Variants in PAH observed in about 807,000 individuals in gnomAD.
The protein encoded by PAH is phenylalanine hydroxylase, also known as phenylalanine-4-hydroxylase.
PAH carries 64 observed loss-of-function variants against 62.0 expected under a neutral mutation model. The observed-to-expected ratio is 1.03, with a 90% CI of 0.84 to 1.27. PAH has a LOEUF of 1.27. Ranked by LOEUF, PAH falls within the 50% of genes most tolerant of loss-of-function variation. The pLI, the probability that PAH is intolerant of heterozygous loss-of-function variation, is 0.00. For missense variants in PAH, 579 were observed against 542.8 expected (o/e 1.07, Z -0.66); for synonymous variants, 195 against 196.2 (o/e 0.99, Z 0.05).
chr12:102,952,197 G>C (rs1879784825), upstream of PAH, among the ~76,000 whole-genome samples: 2 of 152,106 alleles, frequency 1.3e-5, no homozygotes, highest in Non-Finnish European at 2.9e-5. Context: ...GCTCTGAATG[G>C]ACTCCACGCT....
chr12:102,875,671 A>G (rs923343721), intron 4 of PAH, among the ~76,000 whole-genome samples: 10 of 152,166 alleles, frequency 6.6e-5, no homozygotes, highest in Non-Finnish European at 1.0e-4. Flanking sequence ...CCCCACATTT[A>G]CCTTTACTTT....
At chr12:102,864,389 A>G (rs1875856785) in intron 5 of PAH, among the ~76,000 whole-genome samples, 1 of 152,160 alleles carries the variant, frequency 6.6e-6, no homozygotes. Flanking sequence ...TGACCGCAGT[A>G]TCCCCTTTAT....
At chr12:102,944,796 G>T (rs184164260) in intron 1 of PAH, among the ~76,000 whole-genome samples, 19 of 152,248 alleles carry the variant, frequency 1.2e-4, no homozygotes, top group Middle Eastern at 3.4e-3. Context: ...TTTTCTAGAT[G>T]ATCTTGATAC....
intron 8 of PAH, among the ~76,000 whole-genome samples, chr12:102,847,720 G>T (rs1223757484): frequency 1.3e-5 from 2 of 152,162 alleles, no homozygotes; most frequent in South Asian, 2.1e-4. Flanking sequence ...GAGCTCCAGG[G>T]GATTCAGGGG....
intron 5 of PAH, among the ~76,000 whole-genome samples, chr12:102,861,050 T>C (rs1875692088): frequency 6.6e-6 from 1 of 152,076 alleles, no homozygotes; most frequent in Non-Finnish European, 1.5e-5. Context: ...AACAGGCAAC[T>C]GACAGAATGG....
intron 2 of PAH, among the ~76,000 whole-genome samples, chr12:102,902,049 C>A (rs1592982949): frequency 6.6e-6 from 1 of 152,204 alleles, no homozygotes; most frequent in Admixed American, 6.5e-5. Flanking sequence ...GGACTGGCTA[C>A]ACCATTGTGC....
chr12:102,842,190 C>T (rs1372428430), intron 11 of PAH, among the ~76,000 whole-genome samples: 1 of 152,152 alleles, frequency 6.6e-6, no homozygotes, highest in African/African-American at 2.4e-5. Context: ...GTGATCTTGG[C>T]ATGACAGGGT....
intron 4 of PAH, among the ~76,000 whole-genome samples, chr12:102,868,088 G>GTGTA (rs1346537033): frequency 2.2e-5 from 1 of 45,256 alleles, no homozygotes; most frequent in East Asian, 2.9e-4. Flanking sequence ...ATGTGTGTGT[G>GTGTA]TATATATATA....
chr12:102,926,221 A>T (rs979810158), intron 1 of PAH, among the ~76,000 whole-genome samples: 2 of 152,082 alleles, frequency 1.3e-5, no homozygotes, highest in African/African-American at 4.8e-5. Flanking sequence ...TATATGGGGG[A>T]TACTGGTTTA....
chr12:102,848,400 T>C (rs1424195670), intron 8 of PAH, among the ~76,000 whole-genome samples: 3 of 101,624 alleles, frequency 3.0e-5, no homozygotes, highest in Non-Finnish European at 6.4e-5. Flanking sequence ...AAAGGCTGAG[T>C]GTAGATGGGA....
At chr12:102,938,644 C>G (rs890596193) in intron 1 of PAH, among the ~76,000 whole-genome samples, 1 of 152,198 alleles carries the variant, frequency 6.6e-6, no homozygotes, top group African/African-American at 2.4e-5. Flanking sequence ...TTCTCTGGGA[C>G]AGAACTCCCA....
intron 1 of PAH, chr12:102,945,848 C>T (rs1388374687): frequency 1.3e-5 from 2 of 152,250 alleles, no homozygotes; most frequent in Non-Finnish European, 2.9e-5. Context: ...TCTTCCCCCT[C>T]TGTTTCTCAA....
At chr12:102,859,664 T>G (rs1332545845) in intron 5 of PAH, among the ~76,000 whole-genome samples, 1 of 152,190 alleles carries the variant, frequency 6.6e-6, no homozygotes, top group Non-Finnish European at 1.5e-5. Flanking sequence ...CAAGGCTGGT[T>G]CAACATACAC....
At position 102,917,099 on chromosome 12, in the gene PAH, A is replaced by T. The variant is rs1346707834; in HGVS notation, c.32T>A (p.Leu11Ter). 1 of 1,614,190 alleles carries T rather than the reference A, an allele frequency of 6.2e-7. No homozygotes were observed. Among genetic ancestry groups the T allele is most frequent in the South Asian group, 1.1e-5 (1 of 91,078 alleles). The change falls in exon 1 of 13, where the codon TTG (leucine) becomes TAG (stop). Residue 11 changes from leucine to a stop codon, truncating the protein, a stop_gained. Transcript: ENST00000553106. LOFTEE classifies it high-confidence loss of function. The part of the protein sequence containing the change: MSTAVLENPG[L>*]GRKLSDFGQE... ...TCCAAAGTCAGAGAGTTTCCTGCCC[A>T]AGCCTGGGTTTTCCAGGACCGCAGT...
At chr12:102,958,272 G>C (rs1879991869) in exon 1 of PAH, 3 of 1,474,638 alleles carry the variant, frequency 2.0e-6, no homozygotes, top group Non-Finnish European at 2.7e-6. Flanking sequence ...GATGGAGAGC[G>C]GCGGCGCCGG....
upstream of PAH, chr12:102,958,373 C>A: frequency 6.9e-7 from 1 of 1,447,630 alleles, no homozygotes; most frequent in Non-Finnish European, 9.0e-7. Context: ...CCGCAGCCGC[C>A]GCAGCGGCAG....
intron 1 of PAH, among the ~76,000 whole-genome samples, chr12:102,930,153 C>G (rs73393557): frequency 0.032 from 4,818 of 152,230 alleles, 264 homozygotes; most frequent in African/African-American, 0.11. Flanking sequence ...GTAACTTGCT[C>G]AAAGTCACAC....
At chr12:102,880,064 C>T (rs1377829149) in intron 3 of PAH, among the ~76,000 whole-genome samples, 1 of 152,142 alleles carries the variant, frequency 6.6e-6, no homozygotes, top group African/African-American at 2.4e-5. Context: ...GATGAAGAAA[C>T]TGAGGAACAA....
At chr12:102,878,476 C>T (rs1166422546) in intron 3 of PAH, among the ~76,000 whole-genome samples, 3 of 152,018 alleles carry the variant, frequency 2.0e-5, no homozygotes, top group South Asian at 2.1e-4. Flanking sequence ...GTGGCAGCAC[C>T]GACATCCCTG....
Sources: allele counts gnomAD v4.1 joint callset (sites outside exome capture counted in the v4.1 genomes callset), GRCh38; gene constraint gnomAD v4.1.1; transcripts MANE v1.5; gene names NCBI Gene and HGNC (gene_info 2026-07-23, HGNC 2026-07-21).